Variants in APBB2 observed in about 807,000 individuals in gnomAD.
APBB2 encodes the protein Fe65-like 1.
APBB2 carries 38 observed loss-of-function variants against 82.5 expected under a neutral mutation model. The observed-to-expected ratio is 0.46, with a 90% CI of 0.36 to 0.60. The LOEUF is 0.60. Among genes scored for constraint, APBB2 ranks in the 20% least tolerant of loss-of-function variants. APBB2 has a pLI of 0.00. For missense variants in APBB2, 772 were observed against 972.3 expected, an observed-to-expected ratio of 0.79 and a Z score of 2.74; for synonymous variants, 341 against 368.2, an observed-to-expected ratio of 0.93 and a Z score of 0.85.
At chr4:41,078,914 C>T (rs1389549535) in intron 3 of APBB2, among the ~76,000 whole-genome samples, 2 of 152,170 alleles carry the variant, frequency 1.3e-5, no homozygotes, top group Non-Finnish European at 2.9e-5. Flanking sequence ...AATGGCTAGA[C>T]ACTAACATTC....
chr4:40,917,469 C>A (rs1464871898), intron 10 of APBB2, among the ~76,000 whole-genome samples: 1 of 151,854 alleles, frequency 6.6e-6, no homozygotes, highest in African/African-American at 2.4e-5. Context: ...GTCAGGGTCC[C>A]CATGTGTATT....
chr4:40,962,533 G>T (rs1229590214), intron 6 of APBB2, among the ~76,000 whole-genome samples: 1 of 152,178 alleles, frequency 6.6e-6, no homozygotes. Context: ...CAGACTTCTT[G>T]TTCTTTTTAC....
At chr4:41,079,878 A>C (rs899836845) in intron 3 of APBB2, among the ~76,000 whole-genome samples, 2 of 152,040 alleles carry the variant, frequency 1.3e-5, no homozygotes, top group African/African-American at 4.8e-5. Context: ...AGTTTCTACC[A>C]TTAGCCAACC....
At chr4:41,106,430 T>C (rs534538082) in intron 2 of APBB2, among the ~76,000 whole-genome samples, 2 of 149,684 alleles carry the variant, frequency 1.3e-5, no homozygotes, top group East Asian at 4.0e-4. Context: ...ACTTAAATGA[T>C]TAATGACTTT....
chr4:41,117,695 C>G (rs922235556), intron 2 of APBB2, among the ~76,000 whole-genome samples: 2 of 152,100 alleles, frequency 1.3e-5, no homozygotes, highest in African/African-American at 4.8e-5. Flanking sequence ...AGGGTTCATT[C>G]CCACTCAGCC....
intron 12 of APBB2, among the ~76,000 whole-genome samples, chr4:40,833,631 G>C (rs932734774): frequency 6.6e-5 from 10 of 152,216 alleles, no homozygotes; most frequent in African/African-American, 2.4e-4. Flanking sequence ...GCAGCCAGAA[G>C]GGCCAGGCAT....
chr4:41,199,936 A>G (rs1417744362), intron 1 of APBB2, among the ~76,000 whole-genome samples: 1 of 152,224 alleles, frequency 6.6e-6, no homozygotes, highest in Non-Finnish European at 1.5e-5. Context: ...AAATTTCCAC[A>G]ATAGGCTAAT....
intron 12 of APBB2, among the ~76,000 whole-genome samples, chr4:40,859,209 T>TCTCCAACTTGCCCCCTTCTCTCAA (rs1226681328): frequency 1.3e-5 from 2 of 151,810 alleles, no homozygotes; most frequent in African/African-American, 4.8e-5. Context: ...CCTCCTGCTC[T>TCTCCAACTTGCCCCCTTCTCTCAA]CTCCAACTTG....
At chr4:40,964,350 T>C (rs1293189625) in intron 6 of APBB2, among the ~76,000 whole-genome samples, 2 of 152,302 alleles carry the variant, frequency 1.3e-5, no homozygotes, top group East Asian at 3.9e-4. Context: ...CTGATTCACC[T>C]ACCTGTCATC....
chr4:40,937,919 A>G (rs1785781446), intron 7 of APBB2, among the ~76,000 whole-genome samples: 1 of 152,236 alleles, frequency 6.6e-6, no homozygotes, highest in Admixed American at 6.5e-5. Flanking sequence ...AAAAAGCACA[A>G]CCCAACAGAG....
intron 6 of APBB2, among the ~76,000 whole-genome samples, chr4:40,975,862 CT>C (rs1221027263): frequency 6.6e-6 from 1 of 151,848 alleles, no homozygotes; most frequent in East Asian, 1.9e-4. Context: ...CTACTGATTT[CT>C]TATTTCTTAA....
At chr4:41,106,985 A>G (rs1013953007) in intron 2 of APBB2, among the ~76,000 whole-genome samples, 2 of 152,118 alleles carry the variant, frequency 1.3e-5, no homozygotes, top group Non-Finnish European at 2.9e-5. Context: ...AGGGCTCCTC[A>G]TAGCCAAAAG....
At chr4:40,896,069 CT>C (rs34037610) in intron 10 of APBB2, among the ~76,000 whole-genome samples, 265 of 145,550 alleles carry the variant, frequency 1.8e-3, no homozygotes, top group Admixed American at 1.5e-3. Flanking sequence ...CAATACAGTT[CT>C]TTTTTTTTTT....
chr4:40,870,795 C>T (rs1412658936), intron 12 of APBB2, among the ~76,000 whole-genome samples: 4 of 148,868 alleles, frequency 2.7e-5, no homozygotes, highest in South Asian at 4.2e-4. Context: ...TGCAGTGGCA[C>T]GATCCCGGCT....
At chr4:41,093,726 C>T (rs1184640111) in intron 3 of APBB2, among the ~76,000 whole-genome samples, 1 of 152,030 alleles carries the variant, frequency 6.6e-6, no homozygotes, top group Admixed American at 6.6e-5. Context: ...TGGTGGCGCA[C>T]GCCTGTAATC....
chr4:41,205,961 T>C (rs117345969), intron 1 of APBB2, among the ~76,000 whole-genome samples: 2 of 152,294 alleles, frequency 1.3e-5, no homozygotes, highest in East Asian at 1.9e-4. Context: ...TGCCTCCTTC[T>C]AGGGCTATCC....
intron 3 of APBB2, among the ~76,000 whole-genome samples, chr4:41,086,192 AC>A (rs944462093): frequency 1.3e-5 from 2 of 152,192 alleles, no homozygotes; most frequent in African/African-American, 4.8e-5. Flanking sequence ...AAACCTCCCA[AC>A]AAAGAAAACC....
intron 6 of APBB2, among the ~76,000 whole-genome samples, chr4:40,967,245 C>T (rs1469895910): frequency 2.0e-5 from 3 of 152,200 alleles, no homozygotes; most frequent in Non-Finnish European, 2.9e-5. Context: ...TGCTCACCCT[C>T]TACTTGTCTG....
intron 12 of APBB2, among the ~76,000 whole-genome samples, chr4:40,848,257 T>G (rs1348841902): frequency 6.6e-6 from 1 of 152,266 alleles, no homozygotes; most frequent in Non-Finnish European, 1.5e-5. Context: ...ATTGCTTCTG[T>G]CTAGCCAGGC....
Sources: gnomAD v4.1 joint callset for allele counts (sites outside exome capture counted in the v4.1 genomes callset) on GRCh38, gnomAD v4.1.1 for gene constraint, MANE v1.5 for transcripts, NCBI Gene and HGNC (gene_info 2026-07-23, HGNC 2026-07-21) for gene names.